Variants in PIK3C2G observed in about 807,000 individuals in gnomAD.
PIK3C2G encodes the protein phosphatidylinositol-4-phosphate 3-kinase catalytic subunit type 2 gamma.
A neutral mutation model predicts 181.1 loss-of-function variants in PIK3C2G; 168 were observed. The observed-to-expected ratio is 0.93, with a 90% CI of 0.82 to 1.05. The LOEUF (loss-of-function observed/expected upper bound fraction) is 1.05. PIK3C2G is among the 50% of genes least tolerant of loss of function. The pLI, the probability that PIK3C2G is intolerant of heterozygous loss-of-function variation, is 0.00. For missense variants in PIK3C2G, 1,869 were observed against 1,732.8 expected, an observed-to-expected ratio of 1.08 and a Z score of -1.40; for synonymous variants, 573 against 592.2, an observed-to-expected ratio of 0.97 and a Z score of 0.47.
At chr12:18,269,456 C>T (rs564188750) in intron 1 of PIK3C2G, among the ~76,000 whole-genome samples, 4 of 152,194 alleles carry the variant, frequency 2.6e-5, no homozygotes, top group Non-Finnish European at 4.4e-5. Context: ...ACATTATCTC[C>T]CCTAGGTTTT....
intron 29 of PIK3C2G, among the ~76,000 whole-genome samples, chr12:18,587,830 C>T (rs1946871922): frequency 6.6e-6 from 1 of 151,806 alleles, no homozygotes; most frequent in South Asian, 2.1e-4. Flanking sequence ...CTGGAGGCAT[C>T]ATGTTACCCA....
intron 29 of PIK3C2G, among the ~76,000 whole-genome samples, chr12:18,577,456 G>A (rs1946290876): frequency 6.6e-6 from 1 of 152,168 alleles, no homozygotes; most frequent in South Asian, 2.1e-4. Flanking sequence ...CCATTGGTCA[G>A]TATTTACGGA....
At chr12:18,254,016 A>C (rs533499760) in intron 1 of PIK3C2G, among the ~76,000 whole-genome samples, 1 of 122,590 alleles carries the variant, frequency 8.2e-6, no homozygotes, top group African/African-American at 2.7e-5. Flanking sequence ...CTGAGTAAGA[A>C]AAAAAAAGAT....
chr12:18,307,860 G>C (rs574409021), intron 5 of PIK3C2G, among the ~76,000 whole-genome samples: 10 of 151,674 alleles, frequency 6.6e-5, no homozygotes, highest in African/African-American at 2.4e-4. Context: ...GCCACACTAA[G>C]AAAATATGCA....
At chr12:18,605,316 C>A (rs1037112235) in intron 30 of PIK3C2G, among the ~76,000 whole-genome samples, 1 of 152,078 alleles carries the variant, frequency 6.6e-6, no homozygotes, top group South Asian at 2.1e-4. Flanking sequence ...AAAAATACAA[C>A]CCTTGTAGCT....
chr12:18,557,096 A>G (rs1945052564), intron 26 of PIK3C2G, among the ~76,000 whole-genome samples: 2 of 152,170 alleles, frequency 1.3e-5, no homozygotes, highest in Admixed American at 1.3e-4. Flanking sequence ...TTCAACATCC[A>G]TTCCTCCTGG....
Position 18,627,352 on chromosome 12 carries a change from T to G in PIK3C2G, c.4183-13077T>G, listed in dbSNP as rs1409328539. Among the ~76,000 whole-genome samples, 5 of 152,260 alleles carry G rather than the reference T, an allele frequency of 3.3e-5. No individual in the cohort carries two copies. The East Asian group carries it at 9.6e-4, about 29-fold the overall frequency. ...TTTTACGGAGTTATTCTGAATTATT[T>G]TTCTGTCATTTCTTAGATATCCCTT... On this transcript the variant is annotated intron_variant, in intron 31 of 32. Coordinates refer to ENST00000538779, the MANE Select transcript of PIK3C2G (RefSeq NM_001288772.2).
At chr12:18,472,560 C>T (rs911200660) in intron 18 of PIK3C2G, among the ~76,000 whole-genome samples, 2 of 152,098 alleles carry the variant, frequency 1.3e-5, no homozygotes, top group African/African-American at 2.4e-5. Context: ...GCTGTATTGT[C>T]AGGGTTTGTG....
intron 31 of PIK3C2G, among the ~76,000 whole-genome samples, chr12:18,627,037 C>A (rs1285100093): frequency 2.0e-5 from 3 of 151,580 alleles, no homozygotes; most frequent in Non-Finnish European, 2.9e-5. Context: ...GATGGTGTAC[C>A]AACATTCCCA....
chr12:18,432,403 C>T (rs1946212538), intron 18 of PIK3C2G, among the ~76,000 whole-genome samples: 1 of 152,110 alleles, frequency 6.6e-6, no homozygotes, highest in Middle Eastern at 3.2e-3. Flanking sequence ...ACTGAGCTTC[C>T]TAATCCACTG....
intron 31 of PIK3C2G, among the ~76,000 whole-genome samples, chr12:18,617,081 T>C (rs1948638644): frequency 6.6e-6 from 1 of 152,174 alleles, no homozygotes; most frequent in African/African-American, 2.4e-5. Flanking sequence ...TTTAGCTTAC[T>C]GAGTGGCAGA....
At chr12:18,401,153 G>A (rs547406162) in intron 16 of PIK3C2G, among the ~76,000 whole-genome samples, 1 of 152,134 alleles carries the variant, frequency 6.6e-6, no homozygotes, top group African/African-American at 2.4e-5. Flanking sequence ...TATTACCTAG[G>A]ACGTAGTAAT....
At chr12:18,244,862 A>C (rs1168011850), upstream of PIK3C2G, among the ~76,000 whole-genome samples, 1 of 152,092 alleles carries the variant, frequency 6.6e-6, no homozygotes. Context: ...AAAAAGAAGA[A>C]GGCACAATTT....
chr12:18,615,208 A>G (rs1270801347), intron 31 of PIK3C2G, among the ~76,000 whole-genome samples: 1 of 151,966 alleles, frequency 6.6e-6, no homozygotes, highest in Non-Finnish European at 1.5e-5. Flanking sequence ...TATACATGAG[A>G]ATATAAAATG....
rs141981756 is a variant in PIK3C2G, at chr12:18,487,766, T to A, written c.2505-683T>A. Among the ~76,000 whole-genome samples the A allele has an allele frequency of 8.3e-4, 126 of 152,270 alleles. 1 individual carries two copies. Among genetic ancestry groups the A allele is most frequent in the African/African-American group, 2.8e-3 (118 of 41,580 alleles). ...ATGAGACGTGGATGAACTAATGTTT[T>A]TGTGCTAAGCACTTTCAAATGCATT... On this transcript the variant is annotated intron_variant, in intron 18 of 32. Transcript: ENST00000538779.
the PIK3C2G span, among the ~76,000 whole-genome samples, chr12:18,654,065 G>A: frequency 6.6e-6 from 1 of 151,972 alleles, no homozygotes; most frequent in Non-Finnish European, 1.5e-5. Context: ...AAATAAAATA[G>A]AATGTGTCAA....
chr12:18,388,417 G>C (rs1471276913), intron 14 of PIK3C2G, among the ~76,000 whole-genome samples: 1 of 152,126 alleles, frequency 6.6e-6, no homozygotes. Context: ...TGGAATTACA[G>C]GTGCATGCCA....
chr12:18,428,500 A>C (rs371481660), intron 18 of PIK3C2G, among the ~76,000 whole-genome samples: 2 of 152,220 alleles, frequency 1.3e-5, no homozygotes, highest in East Asian at 3.9e-4. Context: ...TAACATGACC[A>C]ATTATTCACC....
intron 29 of PIK3C2G, among the ~76,000 whole-genome samples, chr12:18,569,353 A>T (rs1245727708): frequency 6.7e-6 from 1 of 148,570 alleles, no homozygotes; most frequent in African/African-American, 2.6e-5. Flanking sequence ...TTCATCAGAG[A>T]TCCCAAGCAG....
Sources: allele counts gnomAD v4.1 joint callset (sites outside exome capture counted in the v4.1 genomes callset), GRCh38; gene constraint gnomAD v4.1.1; transcripts MANE v1.5; gene names NCBI Gene and HGNC (gene_info 2026-07-23, HGNC 2026-07-21).